Variants in DMXL1 observed in about 807,000 individuals in gnomAD.
DMXL1 encodes dmX-like protein 1.
DMXL1 carries 99 observed loss-of-function variants against 319.2 expected under a neutral mutation model. The ratio of observed to expected loss-of-function variants is 0.31; its 90% confidence interval spans 0.26 to 0.37. The LOEUF (loss-of-function observed/expected upper bound fraction) is 0.37. Ranked by LOEUF, DMXL1 falls within the 10% of genes least tolerant of loss-of-function variation. The probability of loss-of-function intolerance (pLI) is 1.00; values close to 1 mark genes in which losing one functional copy is unlikely to be tolerated. For missense variants in DMXL1, 3,745 were observed against 3,595.6 expected (o/e 1.04, Z -1.06); for synonymous variants, 1,385 against 1,235.2 (o/e 1.12, Z -2.54).
chr5:119,159,301 T>A (rs1232709159), intron 19 of DMXL1, among the ~76,000 whole-genome samples: 1 of 152,214 alleles, frequency 6.6e-6, no homozygotes, highest in African/African-American at 2.4e-5. Flanking sequence ...TTCACCATGT[T>A]GGCAAGGCTG....
chr5:119,240,586 CT>C, intron 42 of DMXL1, 115 bp downstream of exon 42: 1 of 777,670 alleles, frequency 1.3e-6, no homozygotes. Flanking sequence ...CATGAGATTT[CT>C]TTTGCCCAGG....
At chr5:119,088,369 G>A (rs1452484625) in intron 1 of DMXL1, among the ~76,000 whole-genome samples, 1 of 152,180 alleles carries the variant, frequency 6.6e-6, no homozygotes, top group East Asian at 1.9e-4. Flanking sequence ...CTTGTGGGCA[G>A]TATAGAGTTG....
At chr5:119,230,501 A>C (rs926159569) in intron 38 of DMXL1, among the ~76,000 whole-genome samples, 2 of 152,252 alleles carry the variant, frequency 1.3e-5, no homozygotes, top group African/African-American at 4.8e-5. Context: ...GTCATACACA[A>C]ACATACAGGC....
rs374584445 is a variant in DMXL1, at chr5:119,133,301, T to G, written c.1485T>G (p.Ser495Arg). ...GTAAAAATGCAGATATGCTATTTAGTATTCATCCCATGGATGGTTCTTTGC... is the reference window on the plus strand; with the variant it reads ...GTAAAAATGCAGATATGCTATTTAGGATTCATCCCATGGATGGTTCTTTGC... ...EWSKNADMLF[S>R]IHPMDGSLLV... Residue 495 changes from serine to arginine, a missense_variant, in exon 11 of 44, where the codon AGT becomes AGG. By Grantham distance (110) the Ser-to-Arg change is moderately radical. This residue lies in a region of DMXL1 where 2,096 missense variants were observed against 1,985.4 expected (regional missense o/e 1.06). Coordinates refer to ENST00000539542, the MANE Select transcript of DMXL1 (RefSeq NM_001290321.3). 3 of 1,613,996 alleles carry G rather than the reference T, an allele frequency of 1.9e-6. No homozygotes were observed. The highest frequency in any genetic ancestry group is 2.5e-6 in the Non-Finnish European group (3 of 1,180,016).
At chr5:119,240,382 T>C in intron 41 of DMXL1, 37 bp from the exon 42 acceptor site, 1 of 1,470,924 alleles carries the variant, frequency 6.8e-7, no homozygotes, top group South Asian at 1.2e-5. Context: ...TGTTAGCTTT[T>C]GTGTCACTCA....
At chr5:119,175,042 T>C (rs1775528498) in intron 25 of DMXL1, among the ~76,000 whole-genome samples, 1 of 152,232 alleles carries the variant, frequency 6.6e-6, no homozygotes, top group Admixed American at 6.5e-5. Flanking sequence ...GTGTGTTTTA[T>C]AATTTCTGCT....
At chr5:119,077,754 A>AGTGTGTGTGTGTGT (rs59365686) in intron 1 of DMXL1, among the ~76,000 whole-genome samples, 2 of 125,336 alleles carry the variant, frequency 1.6e-5, no homozygotes, top group Admixed American at 7.6e-5. Context: ...TTATTTTTTA[A>AGTGTGTGTGTGTGT]GTGTGTGTGT....
At chr5:119,222,286 A>G (rs1013103805) in intron 37 of DMXL1, among the ~76,000 whole-genome samples, 1 of 152,192 alleles carries the variant, frequency 6.6e-6, no homozygotes, top group Non-Finnish European at 1.5e-5. Flanking sequence ...AATGTATGGT[A>G]GAGCTTGTTT....
At position 119,116,161 on chromosome 5, in the gene DMXL1, G is replaced by A; in HGVS notation, c.568G>A (p.Asp190Asn). Residue 190 changes from aspartate to asparagine, a missense_variant, in exon 7 of 44, where the codon GAC (aspartate) becomes AAC (asparagine). Transcript: ENST00000539542. The stretch of plus-strand genomic sequence containing the variant: ...GTTTTGTTTTTTTTTTCCTTAGGAT[G>A]ACTGTCTTTTGAAGGTTTGGTATAA... ...GEFFATAGKD[D>N]CLLKVWYNVE... 6.3e-7 allele frequency: 1 copy of A among 1,587,532 alleles called. No individual in the cohort carries two copies. Among genetic ancestry groups the A allele is most frequent in the East Asian group, 2.2e-5 (1 of 44,596 alleles).
intron 28 of DMXL1, 39 bp from the exon 29 acceptor site, chr5:119,189,669 A>C (rs531774913): frequency 2.5e-6 from 4 of 1,591,118 alleles, no homozygotes; most frequent in South Asian, 2.2e-5. Context: ...AATGCAATGA[A>C]AATAGTACTT....
chr5:119,148,320 A>G (rs1244710569), intron 17 of DMXL1, among the ~76,000 whole-genome samples: 1 of 152,140 alleles, frequency 6.6e-6, no homozygotes, highest in African/African-American at 2.4e-5. Context: ...TGATACCTTT[A>G]AAATTAGATT....
At chr5:119,094,404 T>C (rs1231488957) in intron 1 of DMXL1, among the ~76,000 whole-genome samples, 2 of 152,246 alleles carry the variant, frequency 1.3e-5, no homozygotes, top group Admixed American at 1.3e-4. Flanking sequence ...CACAGTTTAC[T>C]AAATATTTCC....
At chr5:119,078,707 C>T (rs769437583) in intron 1 of DMXL1, among the ~76,000 whole-genome samples, 1 of 152,154 alleles carries the variant, frequency 6.6e-6, no homozygotes, top group African/African-American at 2.4e-5. Flanking sequence ...CCACCTTGGC[C>T]TCTCAAAATG....
intron 1 of DMXL1, among the ~76,000 whole-genome samples, chr5:119,074,450 T>G (rs945266434): frequency 6.6e-6 from 1 of 152,238 alleles, no homozygotes; most frequent in African/African-American, 2.4e-5. Flanking sequence ...CCTTTGCATG[T>G]TTGCAGATAA....
chr5:119,124,154 C>CA lies in DMXL1; in HGVS notation c.1102+3026dup, dbSNP rs57762691. On this transcript the variant is annotated intron_variant, in intron 9 of 43. Transcript: ENST00000539542. ...TAAAACCCCGTCTCTACCAAAAATA[C>CA]AAAAAAAAAAATTAGCCAGGTGTGG... is the stretch of plus-strand genomic sequence containing the variant. Among the ~76,000 whole-genome samples the CA allele has an allele frequency of 6.2e-3, 879 of 142,468 alleles. 9 individuals carry two copies. The highest frequency in any genetic ancestry group is 0.018 in the African/African-American group (703 of 39,024). 93.5% of individuals were successfully genotyped at this position (142,468 alleles called of 152,430 possible). A position where few individuals can be genotyped will look rare whatever the true frequency, so the allele number is the denominator to read the frequency against.
chr5:119,215,369 T>G (rs569808135), intron 34 of DMXL1, among the ~76,000 whole-genome samples: 1 of 152,160 alleles, frequency 6.6e-6, no homozygotes, highest in East Asian at 1.9e-4. Context: ...GTACAATGGC[T>G]CGATCTTGGC....
chr5:119,080,000 T>C (rs567112872), intron 1 of DMXL1, among the ~76,000 whole-genome samples: 37 of 152,320 alleles, frequency 2.4e-4, no homozygotes, highest in African/African-American at 8.9e-4. Context: ...TCCCTGTCTT[T>C]AGCTTCATAT....
intron 43 of DMXL1, 145 bp downstream of exon 43, chr5:119,244,721 T>C (rs1789438370): frequency 3.6e-6 from 2 of 552,550 alleles, no homozygotes; most frequent in Admixed American, 7.0e-5. Flanking sequence ...ATTTAATCTT[T>C]CAATGAATGG....
chr5:119,083,068 T>A (rs1752579812), intron 1 of DMXL1, among the ~76,000 whole-genome samples: 1 of 152,212 alleles, frequency 6.6e-6, no homozygotes, highest in African/African-American at 2.4e-5. Flanking sequence ...TGGAATGCAG[T>A]GGCATGATCT....
Sources: gnomAD v4.1 joint callset for allele counts (sites outside exome capture counted in the v4.1 genomes callset) on GRCh38, gnomAD v4.1.1 for gene constraint, gnomAD v4.1.1 regional missense constraint, MANE v1.5 for transcripts, NCBI Gene and HGNC (gene_info 2026-07-23, HGNC 2026-07-21) for gene names.